Variants in ZNF99 observed in about 807,000 individuals in gnomAD.
The protein encoded by ZNF99 is zinc finger protein 99, also known as zinc finger protein ENSP00000375192.
In ZNF99, 8 loss-of-function variants were observed where a neutral mutation model predicts 12.8. That is an observed-to-expected ratio of 0.62 (90% CI 0.37 to 1.13). ZNF99 has a LOEUF of 1.13. ZNF99 is among the 50% of genes most tolerant of loss of function. The probability of loss-of-function intolerance (pLI) is 0.02; values close to 1 mark genes in which losing one functional copy is unlikely to be tolerated. For missense variants in ZNF99, 1,007 were observed against 1,006.2 expected (o/e 1.00, Z -0.01); for synonymous variants, 318 against 319.0 (o/e 1.00, Z 0.03).
In ZNF99 at chr19:22,757,207, G is replaced by T. The variant is rs1461728280; in HGVS notation, c.*107C>A. 2 of 1,588,514 alleles carry T rather than the reference G, an allele frequency of 1.3e-6. No homozygotes were observed. The highest frequency in any genetic ancestry group is 2.3e-5 in the East Asian group (1 of 43,654). ...AAGCTTTGCCACATTCTTCACATTT[G>T]TATGGTTTCTTCCCAGTATAAATTA... On this transcript the variant is annotated 3_prime_UTR_variant, in exon 4 of 4. Transcript: ENST00000596209.
chr19:22,782,494 T>A (rs973963142), intron 1 of ZNF99, among the ~76,000 whole-genome samples: 6 of 151,066 alleles, frequency 4.0e-5, no homozygotes, highest in Non-Finnish European at 7.4e-5. Flanking sequence ...TAGCTAGGAT[T>A]ACAGGTACAG....
intron 3 of ZNF99, among the ~76,000 whole-genome samples, chr19:22,766,297 C>T (rs1164635874): frequency 7.3e-6 from 1 of 137,112 alleles, no homozygotes; most frequent in African/African-American, 2.9e-5. Flanking sequence ...AAAAAAAAAA[C>T]ATAAAACATA....
chr19:22,763,392 GA>G (rs61236649), intron 3 of ZNF99, among the ~76,000 whole-genome samples: 12,957 of 143,358 alleles, frequency 0.09, 560 homozygotes, highest in Middle Eastern at 0.12. Context: ...ATAGCTGTGA[GA>G]AAAAAAAAAA....
At position 22,756,532 on chromosome 19, in the gene ZNF99, C is replaced by T; in HGVS notation, c.*782G>A. On this transcript the variant is annotated 3_prime_UTR_variant, in exon 4 of 4. Coordinates refer to ENST00000596209, the MANE Select transcript of ZNF99 (RefSeq NM_001080409.3). ...GCTAAAAGCTTTGCCACGTTCTTCA[C>T]ATTTGTAGGGTTTCTCTCCAGTATG... 3 of 1,597,070 alleles carry T rather than the reference C, an allele frequency of 1.9e-6. 1 individual carries two copies. Among genetic ancestry groups the T allele is most frequent in the Non-Finnish European group, 8.5e-7 (1 of 1,174,214 alleles).
rs12609255 is a variant in ZNF99 at position 22,755,503 on chromosome 19, G to A, written c.*1811C>T. ...TATATTCAGTAAGATCTGAGAACCC[G>A]TTAGAAGCTTTGCCACATTCTTCAC... On this transcript the variant is annotated 3_prime_UTR_variant, in exon 4 of 4. Transcript: ENST00000596209. 49,725 of 296,704 alleles carry A rather than the reference G, an allele frequency of 0.17. 4,369 individuals carry two copies. Among genetic ancestry groups the A allele is most frequent in the Non-Finnish European group, 0.18 (26,098 of 146,150 alleles). The allele number at this position is 296,704 out of a possible 1,614,324, so 18.4% of individuals were successfully genotyped here. A position where few individuals can be genotyped will look rare whatever the true frequency, so the allele number is the denominator to read the frequency against.
chr19:22,757,419 TG>T lies in ZNF99; in HGVS notation c.2489del (p.Ser830Ter), dbSNP rs752919222. ...EECGKAFQWSSKLTLHKVIHM... is the reference protein window; with the variant it reads ...EECGKAFQWSXKLTLHKVIHM... Reference sequence around the variant, plus strand: ...GAATTACCTTATGTAAAGTAAGTTTTGAGGACCACTGAAAAGCTTTACCACA... The same window carrying T: ...GAATTACCTTATGTAAAGTAAGTTTTAGGACCACTGAAAAGCTTTACCACA... On this transcript the variant is annotated frameshift_variant, in exon 4 of 4. Transcript: ENST00000596209. LOFTEE classifies it low-confidence loss of function (END_TRUNC). The T allele has an allele frequency of 6.2e-7, 1 of 1,609,424 alleles. No individual in the cohort carries two copies. Among genetic ancestry groups the T allele is most frequent in the Non-Finnish European group, 8.5e-7 (1 of 1,178,816 alleles).
chr19:22,768,157 C>T, intron 3 of ZNF99, 148 bp downstream of exon 3: 3 of 858,528 alleles, frequency 3.5e-6, no homozygotes, highest in Non-Finnish European at 3.7e-6. Flanking sequence ...AGATGCCCTA[C>T]ATGAGAGCAA....
chr19:22,755,072 TCAA>T lies in ZNF99; in HGVS notation c.*2239_*2241del, dbSNP rs1398243413. On this transcript the variant is annotated 3_prime_UTR_variant, in exon 4 of 4. Coordinates refer to ENST00000596209, the MANE Select transcript of ZNF99 (RefSeq NM_001080409.3). ...TGGGCAACTAGGGCGAAACTCTGTTTCAAAAAAAAAAAAAAAAAAATTGAAGAA... is the reference window on the plus strand; with the variant it reads ...TGGGCAACTAGGGCGAAACTCTGTTTAAAAAAAAAAAAAAAAATTGAAGAA... The T allele has an allele frequency of 1.8e-4, 7 of 39,008 alleles. No individual in the cohort carries two copies. The highest frequency in any genetic ancestry group is 7.0e-4 in the African/African-American group (6 of 8,532). 2.4% of individuals were successfully genotyped at this position (39,008 alleles called of 1,614,324 possible).
In ZNF99 at chr19:22,754,912, A is replaced by C. The variant is rs989071011; in HGVS notation, c.*2402T>G. 4 of 174,452 alleles carry C rather than the reference A, an allele frequency of 2.3e-5. 1 individual carries two copies. In the South Asian group the frequency reaches 3.8e-4, roughly 16 times the overall value. 10.8% of individuals were successfully genotyped at this position (174,452 alleles called of 1,614,324 possible). A position where few individuals can be genotyped will look rare whatever the true frequency, so the allele number is the denominator to read the frequency against. On this transcript the variant is annotated 3_prime_UTR_variant, in exon 4 of 4. Coordinates refer to ENST00000596209, the MANE Select transcript of ZNF99 (RefSeq NM_001080409.3). ...TGGAGAAACCCCGTCTCTACTAAAA[A>C]TACAAAATTAGGTGGGCGTGGTGGC...
chr19:22,760,436 G>C (rs1973137285), intron 3 of ZNF99, among the ~76,000 whole-genome samples: 1 of 152,068 alleles, frequency 6.6e-6, no homozygotes, highest in Non-Finnish European at 1.5e-5. Context: ...GAAAGAAATG[G>C]TGGCATACTT....
intron 1 of ZNF99, among the ~76,000 whole-genome samples, chr19:22,776,709 C>T (rs1226187972): frequency 6.6e-6 from 1 of 152,064 alleles, no homozygotes; most frequent in Non-Finnish European, 1.5e-5. Context: ...ACCCGGCAAC[C>T]TCATAATTGG....
chr19:22,766,894 G>T (rs1198046417), intron 3 of ZNF99, among the ~76,000 whole-genome samples: 3 of 149,674 alleles, frequency 2.0e-5, no homozygotes, highest in Non-Finnish European at 3.0e-5. Context: ...CAGGTGATCC[G>T]CCCACCTCGG....
At position 22,784,105 on chromosome 19, in the gene ZNF99, C is replaced by T; in HGVS notation, c.-89G>A. The stretch of plus-strand genomic sequence containing the variant: ...GGCCACAGAGGCTAAGGACACAGAG[C>T]AGTAAAAACGAGATCCGGAGCTCCA... On this transcript the variant is annotated 5_prime_UTR_variant, in exon 1 of 4. Transcript: ENST00000596209. The T allele has an allele frequency of 6.8e-7, 1 of 1,481,142 alleles. No individual in the cohort carries two copies. The highest frequency in any genetic ancestry group is 9.3e-7 in the Non-Finnish European group (1 of 1,074,348). The allele number at this position is 1,481,142 out of a possible 1,614,324, so 91.7% of individuals were successfully genotyped here.
rs1255990204 is a variant in ZNF99, at chr19:22,753,470, T to C, written c.*3844A>G. The C allele has an allele frequency of 1.3e-5, 2 of 152,118 alleles. No individual in the cohort carries two copies. The highest frequency in any genetic ancestry group is 4.8e-5 in the African/African-American group (2 of 41,456). 9.4% of individuals were successfully genotyped at this position (152,118 alleles called of 1,614,324 possible). A position where few individuals can be genotyped will look rare whatever the true frequency, so the allele number is the denominator to read the frequency against. On this transcript the variant is annotated 3_prime_UTR_variant, in exon 4 of 4. Coordinates refer to ENST00000596209, the MANE Select transcript of ZNF99 (RefSeq NM_001080409.3). The stretch of plus-strand genomic sequence containing the variant: ...CTAAGCTGTAGTTTATAAACTTTTT[T>C]CCAAATTTATTACATTTGCAGGTTT...
At chr19:22,768,675 G>A (rs1033165289) in intron 2 of ZNF99, among the ~76,000 whole-genome samples, 1 of 152,028 alleles carries the variant, frequency 6.6e-6, no homozygotes, top group Non-Finnish European at 1.5e-5. Context: ...CACTAATCTA[G>A]AGTGAAAAAT....
At position 22,754,338 on chromosome 19, in the gene ZNF99, A is replaced by G. The variant is rs142185528; in HGVS notation, c.*2976T>C. The G allele has an allele frequency of 4.1e-3, 1,763 of 429,398 alleles. 26 individuals carry two copies. Among genetic ancestry groups the G allele is most frequent in the African/African-American group, 0.033 (1,583 of 47,960 alleles). 26.6% of individuals were successfully genotyped at this position (429,398 alleles called of 1,614,324 possible). ...ACTGAGATTGCACCATTGCACTCCA[A>G]TTTGGGCGACAGAGTGAGACTCCAT... On this transcript the variant is annotated 3_prime_UTR_variant, in exon 4 of 4. Coordinates refer to ENST00000596209, the MANE Select transcript of ZNF99 (RefSeq NM_001080409.3).
chr19:22,770,150 G>T (rs1192693759), intron 1 of ZNF99, among the ~76,000 whole-genome samples: 1 of 152,102 alleles, frequency 6.6e-6, no homozygotes, highest in Non-Finnish European at 1.5e-5. Context: ...TAAATATTCA[G>T]CAAGTGGAGG....
rs910150038 is a variant in ZNF99 at position 22,752,527 on chromosome 19, G to A, written c.*4787C>T. 2.6e-5 allele frequency: 4 copies of A among 150,948 alleles called. No individual in the cohort carries two copies. The highest frequency in any genetic ancestry group is 2.4e-5 in the African/African-American group (1 of 41,164). The allele number at this position is 150,948 out of a possible 1,614,324, so 9.4% of individuals were successfully genotyped here. On this transcript the variant is annotated 3_prime_UTR_variant, in exon 4 of 4. Coordinates refer to ENST00000596209, the MANE Select transcript of ZNF99 (RefSeq NM_001080409.3). The stretch of plus-strand genomic sequence containing the variant: ...TTAAAAGTATAAAAATGTAACCTAC[G>A]AGAACAATATTCTTTAATTTATTTG...
At chr19:22,777,382 G>C (rs953822141) in intron 1 of ZNF99, among the ~76,000 whole-genome samples, 1 of 152,150 alleles carries the variant, frequency 6.6e-6, no homozygotes, top group Non-Finnish European at 1.5e-5. Flanking sequence ...CACCCTTCTA[G>C]TTAAGGGTGG....
Sources: allele counts gnomAD v4.1 joint callset (sites outside exome capture counted in the v4.1 genomes callset), GRCh38; gene constraint gnomAD v4.1.1; transcripts MANE v1.5; gene names NCBI Gene and HGNC (gene_info 2026-07-23, HGNC 2026-07-21).